Variants in DLG2 observed in about 807,000 individuals in gnomAD.
DLG2 encodes the protein disks large homolog 2.
A neutral mutation model predicts 132.5 loss-of-function variants in DLG2; 45 were observed. The observed-to-expected ratio is 0.34, with a 90% CI of 0.27 to 0.44. The LOEUF (loss-of-function observed/expected upper bound fraction) is 0.44, where lower values mean the gene tolerates loss of function less well. DLG2 is among the 20% of genes least tolerant of loss of function. The pLI, the probability that DLG2 is intolerant of heterozygous loss-of-function variation, is 1.00. For missense variants in DLG2, 1,045 were observed against 1,196.9 expected (o/e 0.87, Z 1.87); for synonymous variants, 424 against 419.6 (o/e 1.01, Z -0.13).
At chr11:84,825,114 A>C (rs2078175215) in intron 6 of DLG2, among the ~76,000 whole-genome samples, 1 of 151,964 alleles carries the variant, frequency 6.6e-6, no homozygotes, top group South Asian at 2.1e-4. Flanking sequence ...GGAAGAAACA[A>C]TGTTTGGTGG....
chr11:84,522,285 T>C (rs1244882783), intron 7 of DLG2, among the ~76,000 whole-genome samples: 1 of 152,204 alleles, frequency 6.6e-6, no homozygotes, highest in African/African-American at 2.4e-5. Context: ...AGAAAATCTC[T>C]GGAACACCAG....
At chr11:83,844,732 G>T (rs932564922) in intron 16 of DLG2, among the ~76,000 whole-genome samples, 1 of 152,000 alleles carries the variant, frequency 6.6e-6, no homozygotes, top group African/African-American at 2.4e-5. Context: ...TGAGGTCGAG[G>T]TGATCTCCAG....
rs369326565 is a variant in DLG2 at position 84,927,080 on chromosome 11, G to C, written c.357+184581C>G. Among the ~76,000 whole-genome samples, 3 of 151,844 alleles carry C rather than the reference G, an allele frequency of 2.0e-5. No homozygotes were observed. In the East Asian group the frequency reaches 5.8e-4, roughly 29 times the overall value. On this transcript the variant is annotated intron_variant, in intron 6 of 27. Transcript: ENST00000376104. ...AATTTAAACCTATCTACATATATTT[G>C]GCTTGTATTTTTAACAGTGGGCATG...
intron 3 of DLG2, among the ~76,000 whole-genome samples, chr11:85,511,658 T>G (rs923436964): frequency 1.3e-5 from 2 of 151,998 alleles, no homozygotes; most frequent in Non-Finnish European, 2.9e-5. Context: ...TTCATTAAGA[T>G]TAAATGTTTC....
chr11:83,897,453 C>T (rs1057182937), intron 15 of DLG2, among the ~76,000 whole-genome samples: 3 of 152,160 alleles, frequency 2.0e-5, no homozygotes, highest in African/African-American at 7.2e-5. Flanking sequence ...AGAAAACTAC[C>T]AGGACCCAAA....
intron 20 of DLG2, among the ~76,000 whole-genome samples, chr11:83,533,894 C>T (rs189856344): frequency 6.6e-6 from 1 of 151,962 alleles, no homozygotes; most frequent in African/African-American, 2.4e-5. Context: ...CAACCCTGGT[C>T]GAGGTGGAAG....
intron 6 of DLG2, among the ~76,000 whole-genome samples, chr11:84,920,715 G>GTA (rs771394501): frequency 5.3e-5 from 8 of 150,020 alleles, no homozygotes; most frequent in African/African-American, 2.0e-4. Context: ...TTGTAAATAT[G>GTA]TGTGTGTGTG....
chr11:83,912,166 A>AC (rs1482837211), intron 15 of DLG2, among the ~76,000 whole-genome samples: 2 of 51,640 alleles, frequency 3.9e-5, no homozygotes, highest in African/African-American at 8.4e-5. Context: ...AAAATTATAT[A>AC]AAATTTTTGT....
At chr11:84,708,469 A>G (rs1260762386) in intron 6 of DLG2, among the ~76,000 whole-genome samples, 2 of 151,910 alleles carry the variant, frequency 1.3e-5, no homozygotes, top group East Asian at 3.9e-4. Context: ...AATTCAATTT[A>G]GTACTTCTAG....
intron 6 of DLG2, among the ~76,000 whole-genome samples, chr11:84,791,185 A>G (rs2073795110): frequency 6.6e-6 from 1 of 152,152 alleles, no homozygotes; most frequent in South Asian, 2.1e-4. Flanking sequence ...CAGCATGGGG[A>G]AAACTGCCCC....
At chr11:83,514,743 T>C (rs1469049289) in intron 21 of DLG2, among the ~76,000 whole-genome samples, 1 of 152,040 alleles carries the variant, frequency 6.6e-6, no homozygotes, top group African/African-American at 2.4e-5. Flanking sequence ...GCATGAAGGG[T>C]TGTTGAATTT....
chr11:85,284,766 A>G (rs558556335), intron 4 of DLG2, among the ~76,000 whole-genome samples: 5 of 152,130 alleles, frequency 3.3e-5, no homozygotes, highest in Admixed American at 3.3e-4. Context: ...ATTTTAAAGA[A>G]TATGATTAAA....
chr11:85,083,607 C>A (rs1293269236), intron 6 of DLG2, among the ~76,000 whole-genome samples: 1 of 152,038 alleles, frequency 6.6e-6, no homozygotes, highest in African/African-American at 2.4e-5. Flanking sequence ...GAAGGTAGGA[C>A]AACTCAAAGT....
At chr11:84,209,224 T>C (rs2096718502) in intron 8 of DLG2, among the ~76,000 whole-genome samples, 2 of 152,334 alleles carry the variant, frequency 1.3e-5, no homozygotes, top group Non-Finnish European at 2.9e-5. Context: ...ACTAGTCTGA[T>C]CATTAAAGTA....
chr11:84,622,101 T>G (rs1023538023), intron 6 of DLG2, among the ~76,000 whole-genome samples: 1 of 152,190 alleles, frequency 6.6e-6, no homozygotes, highest in Non-Finnish European at 1.5e-5. Context: ...GACTTAATAG[T>G]TTGTCCACAG....
At position 83,945,990 on chromosome 11, in the gene DLG2, TC is replaced by T. The variant is rs1422183434; in HGVS notation, c.1341-15508del. Among the ~76,000 whole-genome samples the T allele has an allele frequency of 6.3e-3, 752 of 119,906 alleles. 11 individuals are homozygous for T. Among genetic ancestry groups the T allele is most frequent in the African/African-American group, 0.026 (711 of 27,766 alleles). 78.7% of individuals were successfully genotyped at this position (119,906 alleles called of 152,430 possible). ...CCTTTTCTCTTTCTCTTTCTCTCTCTCTCTTTTTTTTTTTTTTTTGACAGAG... is the reference window on the plus strand; with the variant it reads ...CCTTTTCTCTTTCTCTTTCTCTCTCTTCTTTTTTTTTTTTTTTTGACAGAG... On this transcript the variant is annotated intron_variant, in intron 14 of 27. Transcript: ENST00000376104.
intron 3 of DLG2, among the ~76,000 whole-genome samples, chr11:85,444,068 A>G (rs2091903089): frequency 1.3e-5 from 2 of 152,224 alleles, no homozygotes; most frequent in Admixed American, 1.3e-4. Flanking sequence ...TTTCAAGAAC[A>G]TTATATCCTA....
intron 6 of DLG2, among the ~76,000 whole-genome samples, chr11:84,872,525 A>C (rs770346080): frequency 6.6e-6 from 1 of 152,210 alleles, no homozygotes; most frequent in Admixed American, 6.5e-5. Context: ...TTGTACACAC[A>C]ATGCCCTCGT....
chr11:84,781,535 A>T (rs2071777431), intron 6 of DLG2, among the ~76,000 whole-genome samples: 1 of 151,708 alleles, frequency 6.6e-6, no homozygotes, highest in African/African-American at 2.4e-5. Flanking sequence ...ATAATAATAT[A>T]ATAATAATAA....
Sources: gnomAD v4.1 joint callset for allele counts (sites outside exome capture counted in the v4.1 genomes callset) on GRCh38, gnomAD v4.1.1 for gene constraint, MANE v1.5 for transcripts, NCBI Gene and HGNC (gene_info 2026-07-23, HGNC 2026-07-21) for gene names.